The following GULP1 variants were observed in gnomAD, a reference collection of about 807,000 sequenced individuals.
The protein encoded by GULP1 is GULP PTB domain containing engulfment adaptor 1, also known as PTB domain-containing engulfment adapter protein 1.
Under a neutral mutation model 40.9 loss-of-function variants are expected in GULP1, and 19 were observed. The observed-to-expected ratio is 0.46, with a 90% confidence interval of 0.32 to 0.68. The LOEUF is 0.68. Ranked by LOEUF, GULP1 falls within the 30% of genes least tolerant of loss-of-function variation. GULP1 has a pLI of 0.03. For synonymous variants in GULP1, 119 were observed against 117.6 expected (o/e 1.01, Z -0.08); for missense variants, 312 against 362.2 (o/e 0.86, Z 1.12).
intron 9 of GULP1, among the ~76,000 whole-genome samples, chr2:188,581,485 C>G (rs1357268391): frequency 6.6e-6 from 1 of 152,138 alleles, no homozygotes. Context: ...TCCATTTTGG[C>G]TGCTGTTTAA....
At chr2:188,435,237 A>G (rs113184082) in intron 2 of GULP1, among the ~76,000 whole-genome samples, 1 of 151,976 alleles carries the variant, frequency 6.6e-6, no homozygotes, top group African/African-American at 2.4e-5. Flanking sequence ...AATTCATATG[A>G]CTCAGATTGT....
At chr2:188,375,520 TTC>T (rs1184002712) in intron 1 of GULP1, among the ~76,000 whole-genome samples, 4 of 152,212 alleles carry the variant, frequency 2.6e-5, no homozygotes, top group Admixed American at 6.5e-5. Context: ...TTCCAGCAGC[TTC>T]CATTGTGTGA....
chr2:188,538,786 A>G (rs1689640716), intron 6 of GULP1, among the ~76,000 whole-genome samples: 1 of 151,974 alleles, frequency 6.6e-6, no homozygotes, highest in South Asian at 2.1e-4. Context: ...ACAGACATGC[A>G]TTTAGAAACT....
chr2:188,334,281 A>G (rs1331277812), intron 1 of GULP1, among the ~76,000 whole-genome samples: 1 of 152,178 alleles, frequency 6.6e-6, no homozygotes, highest in African/African-American at 2.4e-5. Context: ...TACTTTCACT[A>G]TGTCACTTAG....
intron 2 of GULP1, among the ~76,000 whole-genome samples, chr2:188,477,078 A>T (rs888235389): frequency 6.6e-6 from 1 of 152,140 alleles, no homozygotes; most frequent in African/African-American, 2.4e-5. Flanking sequence ...TAAAAAGAGC[A>T]CTAAATTTAG....
chr2:188,293,212 C>G (rs1292876013), intron 1 of GULP1: 1 of 152,220 alleles, frequency 6.6e-6, no homozygotes, highest in African/African-American at 2.4e-5. Flanking sequence ...AGGTACCCCT[C>G]CCTAGGTCCT....
chr2:188,301,167 A>G (rs1035046655), intron 1 of GULP1, among the ~76,000 whole-genome samples: 4 of 152,094 alleles, frequency 2.6e-5, no homozygotes, highest in African/African-American at 7.2e-5. Flanking sequence ...GGTGCATGCC[A>G]CCATGCATGG....
intron 1 of GULP1, among the ~76,000 whole-genome samples, chr2:188,349,686 G>T (rs2044181482): frequency 6.6e-6 from 1 of 152,086 alleles, no homozygotes; most frequent in Non-Finnish European, 1.5e-5. Context: ...GTGGTCCTGT[G>T]AAACAAAACT....
chr2:188,487,712 C>G (rs78191679), intron 4 of GULP1, among the ~76,000 whole-genome samples: 4,219 of 152,010 alleles, frequency 0.028, 124 homozygotes, highest in African/African-American at 0.062. Flanking sequence ...AGCTAATCAA[C>G]AACAAAATAA....
chr2:188,402,383 C>T (rs1256001380), intron 2 of GULP1, among the ~76,000 whole-genome samples: 1 of 152,012 alleles, frequency 6.6e-6, no homozygotes, highest in Non-Finnish European at 1.5e-5. Flanking sequence ...AAGTAAGCTA[C>T]AAAACTCGAA....
intron 1 of GULP1, among the ~76,000 whole-genome samples, chr2:188,367,324 C>T (rs780313907): frequency 1.1e-4 from 17 of 152,188 alleles, no homozygotes; most frequent in Non-Finnish European, 1.9e-4. Flanking sequence ...GTTGTCTCAG[C>T]TGCAGGGCAG....
intron 4 of GULP1, among the ~76,000 whole-genome samples, chr2:188,501,616 A>G (rs889340251): frequency 5.3e-5 from 8 of 151,906 alleles, no homozygotes; most frequent in African/African-American, 1.7e-4. Context: ...CTTTGTTTCA[A>G]TGTAAGTAGA....
intron 1 of GULP1, among the ~76,000 whole-genome samples, chr2:188,333,020 G>A (rs551965170): frequency 5.9e-5 from 9 of 152,140 alleles, no homozygotes; most frequent in African/African-American, 1.9e-4. Context: ...CATGGCTGGC[G>A]GATTGCCTGA....
chr2:188,496,802 C>T (rs978602489), intron 4 of GULP1, among the ~76,000 whole-genome samples: 1 of 151,872 alleles, frequency 6.6e-6, no homozygotes, highest in South Asian at 2.1e-4. Context: ...GGGGTGGTTT[C>T]TCATGGTTTA....
chr2:188,366,583 ACTTT>A (rs1386817696), intron 1 of GULP1, among the ~76,000 whole-genome samples: 1 of 132,476 alleles, frequency 7.5e-6, no homozygotes, highest in Non-Finnish European at 1.6e-5. Flanking sequence ...ACTTCCAGTT[ACTTT>A]CTTTTTTTTT....
intron 6 of GULP1, among the ~76,000 whole-genome samples, chr2:188,536,870 G>A (rs1412938463): frequency 6.6e-6 from 1 of 151,922 alleles, no homozygotes; most frequent in African/African-American, 2.4e-5. Flanking sequence ...ACAGTGTTTT[G>A]TAGTTCTTCT....
At chr2:188,341,837 A>T (rs1449631356) in intron 1 of GULP1, among the ~76,000 whole-genome samples, 1 of 152,224 alleles carries the variant, frequency 6.6e-6, no homozygotes, top group Non-Finnish European at 1.5e-5. Context: ...CTAAAGTCAT[A>T]AAACTAAAAA....
At chr2:188,347,863 C>A (rs1431055973) in intron 1 of GULP1, among the ~76,000 whole-genome samples, 3 of 152,124 alleles carry the variant, frequency 2.0e-5, no homozygotes, top group African/African-American at 7.2e-5. Context: ...AGCAGTCTGC[C>A]CACCTGGGAC....
At chr2:188,590,551 AATT>A (rs1454782843) in intron 11 of GULP1, 4 of 152,176 alleles carry the variant, frequency 2.6e-5, no homozygotes, top group African/African-American at 9.7e-5. Context: ...AAGAGAATCG[AATT>A]ATTAAGTTTG....
Sources: allele counts gnomAD v4.1 joint callset (sites outside exome capture counted in the v4.1 genomes callset), GRCh38; gene constraint gnomAD v4.1.1; transcripts MANE v1.5; gene names NCBI Gene and HGNC (gene_info 2026-07-23, HGNC 2026-07-21).